The following CSRNP3 variants were observed in gnomAD, a reference collection of about 807,000 sequenced individuals.
CSRNP3 encodes cysteine and serine rich nuclear protein 3, also known as cysteine/serine-rich nuclear protein 3.
A neutral mutation model predicts 48.0 loss-of-function variants in CSRNP3; 12 were observed. That is an observed-to-expected ratio of 0.25 (90% CI 0.16 to 0.41). The LOEUF (loss-of-function observed/expected upper bound fraction) is 0.41, where lower values mean the gene tolerates loss of function less well. Among genes scored for constraint, CSRNP3 ranks in the 10% least tolerant of loss-of-function variants. The pLI is 1.00. For synonymous variants in CSRNP3, 263 were observed against 269.7 expected (o/e 0.98, Z 0.24); for missense variants, 580 against 724.4 (o/e 0.80, Z 2.29).
chr2:165,564,365 A>G (rs1372328684), intron 3 of CSRNP3, among the ~76,000 whole-genome samples: 1 of 152,080 alleles, frequency 6.6e-6, no homozygotes, highest in African/African-American at 2.4e-5. Flanking sequence ...AACTAATTCC[A>G]TCACAATAAT....
At chr2:165,612,132 C>A (rs1686147771) in intron 4 of CSRNP3, among the ~76,000 whole-genome samples, 1 of 151,962 alleles carries the variant, frequency 6.6e-6, no homozygotes, top group South Asian at 2.1e-4. Flanking sequence ...TTGCTATATA[C>A]AAAGATGTTC....
rs1032774032 is a variant in CSRNP3, at chr2:165,554,978, T to C, written c.-24+37017T>C. Among the ~76,000 whole-genome samples the C allele has an allele frequency of 5.3e-5, 8 of 152,186 alleles. No individual in the cohort carries two copies. The East Asian group carries it at 1.2e-3, about 22-fold the overall frequency. On this transcript the variant is annotated intron_variant, in intron 3 of 6. Coordinates refer to ENST00000651982, the MANE Select transcript of CSRNP3 (RefSeq NM_001172173.2). ...CCTCGTCTCCAACACTCTGGCATCCTTGTTAGTCGTTGAACATCTCAGATC... is the reference window on the plus strand; with the variant it reads ...CCTCGTCTCCAACACTCTGGCATCCCTGTTAGTCGTTGAACATCTCAGATC...
intron 3 of CSRNP3, among the ~76,000 whole-genome samples, chr2:165,569,953 T>C (rs1475476926): frequency 4.6e-5 from 7 of 152,076 alleles, no homozygotes; most frequent in South Asian, 2.1e-4. Context: ...TGTTTGTCTG[T>C]GTTGTTAGAA....
intron 2 of CSRNP3, among the ~76,000 whole-genome samples, chr2:165,506,867 C>T (rs1684433362): frequency 6.6e-6 from 1 of 152,104 alleles, no homozygotes; most frequent in African/African-American, 2.4e-5. Flanking sequence ...TTGACTGTCT[C>T]ATTCATTTCT....
chr2:165,611,363 A>ATGTGTG (rs1553479605), intron 4 of CSRNP3, among the ~76,000 whole-genome samples: 1,714 of 104,754 alleles, frequency 0.016, 33 homozygotes, highest in African/African-American at 0.046. Context: ...TTCACGATAT[A>ATGTGTG]TGTGTGTGTG....
Position 165,681,739 on chromosome 2 carries a change from A to ATATATG in CSRNP3, c.*1991_*1992insGTATAT, listed in dbSNP as rs1687543973. 1 of 84,788 alleles carries ATATATG rather than the reference A, an allele frequency of 1.2e-5. No homozygotes were observed. The highest frequency in any genetic ancestry group is 2.7e-5 in the Non-Finnish European group (1 of 37,094). The allele number at this position is 84,788 out of a possible 1,614,324, so 5.3% of individuals were successfully genotyped here. On this transcript the variant is annotated 3_prime_UTR_variant, in exon 7 of 7. Transcript: ENST00000651982. ...ATCTCAAATATACATATATATATAT[A>ATATATG]TATATATATATATATATATATACAC... is the stretch of plus-strand genomic sequence containing the variant.
chr2:165,646,530 A>G (rs6720974), intron 4 of CSRNP3, among the ~76,000 whole-genome samples: 16,276 of 152,202 alleles, frequency 0.11, 1,228 homozygotes, highest in African/African-American at 0.21. Flanking sequence ...AAAACGCAGC[A>G]AAACAGGTTA....
At chr2:165,615,888 G>A (rs11687045) in intron 4 of CSRNP3, among the ~76,000 whole-genome samples, 1 of 59,272 alleles carries the variant, frequency 1.7e-5, no homozygotes, top group African/African-American at 5.9e-5. Context: ...TGTTTGTGGG[G>A]TTTTTTTTTT....
intron 6 of CSRNP3, among the ~76,000 whole-genome samples, chr2:165,677,875 G>T (rs565585634): frequency 2.0e-5 from 3 of 152,126 alleles, no homozygotes; most frequent in Non-Finnish European, 4.4e-5. Flanking sequence ...AACACTTGTT[G>T]AACCCAAACA....
intron 3 of CSRNP3, among the ~76,000 whole-genome samples, chr2:165,589,195 TACA>T (rs1685678259): frequency 6.6e-6 from 1 of 152,162 alleles, no homozygotes; most frequent in African/African-American, 2.4e-5. Flanking sequence ...AAATCGGGTA[TACA>T]ACACTTTATT....
intron 4 of CSRNP3, among the ~76,000 whole-genome samples, chr2:165,620,782 T>G (rs1686325439): frequency 6.6e-6 from 1 of 152,148 alleles, no homozygotes. Context: ...CCACACATAT[T>G]TTCATAGAAG....
At chr2:165,608,934 CAAAAAAAAAAAA>C (rs33952227) in intron 4 of CSRNP3, among the ~76,000 whole-genome samples, 1 of 75,590 alleles carries the variant, frequency 1.3e-5, no homozygotes, top group Non-Finnish European at 2.4e-5. Flanking sequence ...ACTAAAAATA[CAAAAAAAAAAAA>C]AAAAAAAAAA....
intron 3 of CSRNP3, among the ~76,000 whole-genome samples, chr2:165,570,319 C>T (rs1395448772): frequency 1.3e-5 from 2 of 152,016 alleles, no homozygotes; most frequent in African/African-American, 2.4e-5. Flanking sequence ...TAAAACCATA[C>T]ACTATAGACT....
At chr2:165,503,129 T>C (rs1458428892) in intron 2 of CSRNP3, among the ~76,000 whole-genome samples, 5 of 152,012 alleles carry the variant, frequency 3.3e-5, no homozygotes, top group Admixed American at 1.3e-4. Context: ...AAATATATTA[T>C]GAATTTAGCT....
At chr2:165,638,461 CA>C (rs202179325) in intron 4 of CSRNP3, among the ~76,000 whole-genome samples, 18,606 of 140,902 alleles carry the variant, frequency 0.13, 1,267 homozygotes, top group South Asian at 0.24. Flanking sequence ...AACTCCATCT[CA>C]AAAAAAAAAA....
At chr2:165,472,810 T>A (rs1683911810) in intron 1 of CSRNP3, among the ~76,000 whole-genome samples, 1 of 152,108 alleles carries the variant, frequency 6.6e-6, no homozygotes, top group Non-Finnish European at 1.5e-5. Flanking sequence ...ATGTAGCAAA[T>A]AAAGCACCAC....
intron 1 of CSRNP3, among the ~76,000 whole-genome samples, chr2:165,478,424 A>G (rs968462354): frequency 6.6e-6 from 1 of 152,214 alleles, no homozygotes; most frequent in Non-Finnish European, 1.5e-5. Flanking sequence ...AACTTCAAAA[A>G]AGCAGCACGT....
At chr2:165,666,140 AGGAAAG>A (rs1303099272) in intron 5 of CSRNP3, among the ~76,000 whole-genome samples, 2 of 128,356 alleles carry the variant, frequency 1.6e-5, no homozygotes, top group African/African-American at 2.9e-5. Context: ...GAAGGAAGGA[AGGAAAG>A]AGAGAGGAAG....
chr2:165,652,534 T>G (rs1686931429), intron 4 of CSRNP3, among the ~76,000 whole-genome samples: 1 of 151,702 alleles, frequency 6.6e-6, no homozygotes, highest in Non-Finnish European at 1.5e-5. Flanking sequence ...GAAAACAGAC[T>G]AATTATTTTT....
Sources: allele counts gnomAD v4.1 joint callset (sites outside exome capture counted in the v4.1 genomes callset), GRCh38; gene constraint gnomAD v4.1.1; transcripts MANE v1.5; gene names NCBI Gene and HGNC (gene_info 2026-07-23, HGNC 2026-07-21).